The following TRPS1 variants were observed in gnomAD, a reference collection of about 807,000 sequenced individuals.
TRPS1 encodes zinc finger transcription factor Trps1.
A neutral mutation model predicts 101.2 loss-of-function variants in TRPS1; 6 were observed. The ratio of observed to expected loss-of-function variants is 0.06; its 90% CI spans 0.03 to 0.12. The LOEUF (loss-of-function observed/expected upper bound fraction) is 0.12. Ranked by LOEUF, TRPS1 falls within the 10% of genes least tolerant of loss-of-function variation. The pLI is 1.00. For missense variants in TRPS1, 1,363 were observed against 1,567.0 expected (o/e 0.87, Z 2.20); for synonymous variants, 578 against 589.8 (o/e 0.98, Z 0.29).
chr8:115,560,873 C>T (rs1349671084), intron 5 of TRPS1, among the ~76,000 whole-genome samples: 1 of 152,096 alleles, frequency 6.6e-6, no homozygotes, highest in African/African-American at 2.4e-5. Context: ...AAAACTTCAG[C>T]TTAAAGGCAG....
chr8:115,502,786 C>A (rs923446292), intron 5 of TRPS1, among the ~76,000 whole-genome samples: 2 of 152,116 alleles, frequency 1.3e-5, no homozygotes, highest in African/African-American at 4.8e-5. Context: ...AATGGCATCT[C>A]ATGTATTTAA....
chr8:115,547,334 T>C lies in TRPS1; in HGVS notation c.2700+39667A>G, dbSNP rs1295741852. On this transcript the variant is annotated intron_variant, in intron 5 of 6. Transcript: ENST00000395715. ...TTCTCCCTCTCTCTCTTCCCTTCTA[T>C]AGCCCTCTCTCCCTCTGCCTCTCCG... Among the ~76,000 whole-genome samples, 14 of 152,172 alleles carry C rather than the reference T, an allele frequency of 9.2e-5. No individual in the cohort carries two copies. In the East Asian group the frequency reaches 2.7e-3, roughly 29 times the overall value.
At chr8:115,495,165 A>T (rs1427216795) in intron 5 of TRPS1, among the ~76,000 whole-genome samples, 1 of 152,216 alleles carries the variant, frequency 6.6e-6, no homozygotes, top group Non-Finnish European at 1.5e-5. Flanking sequence ...AAGGAAGCAA[A>T]ATAAACAGAA....
At chr8:115,645,875 A>T (rs1819013253) in intron 1 of TRPS1, among the ~76,000 whole-genome samples, 1 of 152,156 alleles carries the variant, frequency 6.6e-6, no homozygotes, top group Non-Finnish European at 1.5e-5. Context: ...TTCAAACATA[A>T]CAGAGCTTTT....
intron 5 of TRPS1, among the ~76,000 whole-genome samples, chr8:115,535,795 T>C (rs1236905779): frequency 6.6e-6 from 1 of 151,730 alleles, no homozygotes; most frequent in Non-Finnish European, 1.5e-5. Context: ...TATATATATA[T>C]GAGAGTCAAG....
At chr8:115,518,609 C>T (rs939782031) in intron 5 of TRPS1, among the ~76,000 whole-genome samples, 5 of 151,742 alleles carry the variant, frequency 3.3e-5, no homozygotes, top group African/African-American at 1.2e-4. Flanking sequence ...AGTGGAGCTT[C>T]CAAATTTGAC....
chr8:115,547,374 T>C (rs911817882), intron 5 of TRPS1, among the ~76,000 whole-genome samples: 2 of 152,084 alleles, frequency 1.3e-5, no homozygotes, highest in Admixed American at 6.6e-5. Context: ...TTTAACTCTG[T>C]GCTAAGCTGA....
Position 115,413,973 on chromosome 8 carries a change from T to C in TRPS1, c.*50A>G, listed in dbSNP as rs748702539. ...TCATAAGACATTACAAGCTATTGAATTCCCATCAAGAAAACCTATTTCTAT... is the reference window on the plus strand; with the variant it reads ...TCATAAGACATTACAAGCTATTGAACTCCCATCAAGAAAACCTATTTCTAT... On this transcript the variant is annotated 3_prime_UTR_variant, in exon 7 of 7. Transcript: ENST00000395715. The C allele has an allele frequency of 4.9e-5, 78 of 1,578,666 alleles. No homozygotes were observed. The South Asian group carries it at 8.5e-4, about 17-fold the overall frequency.
At position 115,619,303 on chromosome 8, in the gene TRPS1, G is replaced by A. The variant is rs1355752194; in HGVS notation, c.795C>T (p.Asn265=). 7.4e-6 allele frequency: 12 copies of A among 1,614,146 alleles called. No homozygotes were observed. The highest frequency in any genetic ancestry group is 1.0e-5 in the Non-Finnish European group (12 of 1,179,998). The part of the protein sequence containing the change: ...HFRKYHLGLH[N]RTRQDAELDS... ...CCAGCTCAGCATCTTGCCTGGTGCG[G>A]TTATGCAGTCCTAAGTGATACTTTC... The change falls in exon 3 of 7, where the codon AAC becomes AAT. Residue 265 remains asparagine (N), a synonymous_variant. Transcript: ENST00000395715.
chr8:115,631,550 T>C (rs1288920824), intron 1 of TRPS1, among the ~76,000 whole-genome samples: 1 of 151,904 alleles, frequency 6.6e-6, no homozygotes, highest in African/African-American at 2.4e-5. Flanking sequence ...GACATGCAAG[T>C]TTTTAAAAAG....
chr8:115,632,248 CAT>C (rs1320499437), intron 1 of TRPS1, among the ~76,000 whole-genome samples: 26 of 151,958 alleles, frequency 1.7e-4, no homozygotes, highest in African/African-American at 5.6e-4. Flanking sequence ...CTTATATATA[CAT>C]ATGTTTTATT....
Position 115,476,005 on chromosome 8 carries a change from CTTTTTTTTTTTTTTTTTTT to C in TRPS1, c.2701-57572_2701-57554del, listed in dbSNP as rs1169514340. ...AAGAGGTGTTCAGAAAATATACTTTCTTTTTTTTTTTTTTTTTTTTTTTTTTTTTTTGAGACGGAGTCTC... is the reference window on the plus strand; with the variant it reads ...AAGAGGTGTTCAGAAAATATACTTTCTTTTTTTTTTTTGAGACGGAGTCTC... On this transcript the variant is annotated intron_variant, in intron 5 of 6. Coordinates refer to ENST00000395715, the MANE Select transcript of TRPS1 (RefSeq NM_014112.5). Among the ~76,000 whole-genome samples the C allele has an allele frequency of 4.9e-5, 2 of 40,712 alleles. 1 individual carries two copies. Among genetic ancestry groups the C allele is most frequent in the Non-Finnish European group, 7.6e-5 (2 of 26,402 alleles). 26.7% of individuals were successfully genotyped at this position (40,712 alleles called of 152,430 possible).
At chr8:115,620,257 T>C (rs372994195) in intron 2 of TRPS1, among the ~76,000 whole-genome samples, 197 bp from the exon 3 acceptor site, 1 of 152,148 alleles carries the variant, frequency 6.6e-6, no homozygotes, top group South Asian at 2.1e-4. Flanking sequence ...AGAATTACTT[T>C]TGTAACCAAG....
chr8:115,433,199 C>T (rs1813365005), intron 5 of TRPS1, among the ~76,000 whole-genome samples: 1 of 151,870 alleles, frequency 6.6e-6, no homozygotes, highest in African/African-American at 2.4e-5. Flanking sequence ...CTCCCAATCA[C>T]AGAGTGGATG....
intron 4 of TRPS1, among the ~76,000 whole-genome samples, chr8:115,598,776 T>G (rs1306098794): frequency 6.6e-6 from 1 of 152,234 alleles, no homozygotes; most frequent in African/African-American, 2.4e-5. Flanking sequence ...TTTTCCAAAC[T>G]CTGAATAATA....
At chr8:115,501,842 C>A (rs1383002327) in intron 5 of TRPS1, among the ~76,000 whole-genome samples, 1 of 152,106 alleles carries the variant, frequency 6.6e-6, no homozygotes, top group Non-Finnish European at 1.5e-5. Context: ...CAGTCTATTG[C>A]TTTTATTAAG....
intron 3 of TRPS1, 126 bp downstream of exon 3, chr8:115,619,006 T>A: frequency 1.0e-6 from 1 of 960,518 alleles, no homozygotes; most frequent in South Asian, 1.5e-5. Context: ...AGTGTGTCCA[T>A]CTCTTCTGCT....
chr8:115,601,995 A>T (rs1373925505), intron 4 of TRPS1, among the ~76,000 whole-genome samples: 1 of 152,180 alleles, frequency 6.6e-6, no homozygotes, highest in African/African-American at 2.4e-5. Context: ...AGTTTTATTC[A>T]TATTTTATTT....
rs565725876 is a variant in TRPS1, at chr8:115,562,259, C to T, written c.2700+24742G>A. ...ACTTATATCAAAGAGGAAGACCATT[C>T]CCTTTATTTTGAAGCTTTCAATAGT... is the stretch of plus-strand genomic sequence containing the variant. On this transcript the variant is annotated intron_variant, in intron 5 of 6. Transcript: ENST00000395715. Among the ~76,000 whole-genome samples, 7 of 152,060 alleles carry T rather than the reference C, an allele frequency of 4.6e-5. No homozygotes were observed. In the South Asian group the frequency reaches 1.2e-3, roughly 27 times the overall value.
Sources: gnomAD v4.1 joint callset for allele counts (sites outside exome capture counted in the v4.1 genomes callset) on GRCh38, gnomAD v4.1.1 for gene constraint, MANE v1.5 for transcripts, NCBI Gene and HGNC (gene_info 2026-07-23, HGNC 2026-07-21) for gene names.